The following SOX5 variants were observed in gnomAD, a reference collection of about 807,000 sequenced individuals.
SOX5 encodes the protein SRY-box transcription factor 5.
Under a neutral mutation model 92.0 loss-of-function variants are expected in SOX5, and 9 were observed. The ratio of observed to expected loss-of-function variants is 0.10; its 90% CI spans 0.06 to 0.17. The LOEUF (loss-of-function observed/expected upper bound fraction) is 0.17. SOX5 is among the 10% of genes least tolerant of loss of function. The pLI, the probability that SOX5 is intolerant of heterozygous loss-of-function variation, is 1.00. For missense variants in SOX5, 642 were observed against 944.5 expected, an observed-to-expected ratio of 0.68 and a Z score of 4.20; for synonymous variants, 344 against 336.3, an observed-to-expected ratio of 1.02 and a Z score of -0.25.
intron 8 of SOX5, among the ~76,000 whole-genome samples, chr12:23,632,971 A>G (rs931294438): frequency 6.6e-6 from 1 of 152,140 alleles, no homozygotes; most frequent in African/African-American, 2.4e-5. Flanking sequence ...ATAATTTTAA[A>G]AGTTTAATTA....
chr12:23,652,538 A>G (rs1254180894), intron 7 of SOX5, among the ~76,000 whole-genome samples: 1 of 141,876 alleles, frequency 7.0e-6, no homozygotes, highest in African/African-American at 2.9e-5. Flanking sequence ...TTTTTGAGCA[A>G]TTCTCCCTAG....
intron 4 of SOX5, among the ~76,000 whole-genome samples, chr12:24,130,863 C>T (rs1247958767): frequency 6.6e-6 from 1 of 152,166 alleles, no homozygotes; most frequent in Admixed American, 6.6e-5. Context: ...AAATGCCTGT[C>T]TTCAACCCTC....
At chr12:23,704,366 T>C (rs2091082729) in intron 6 of SOX5, among the ~76,000 whole-genome samples, 1 of 151,844 alleles carries the variant, frequency 6.6e-6, no homozygotes, top group African/African-American at 2.4e-5. Context: ...GTGCAAAATA[T>C]GCAAAATCAA....
At chr12:23,552,192 T>A (rs1167342887) in intron 11 of SOX5, among the ~76,000 whole-genome samples, 1 of 151,832 alleles carries the variant, frequency 6.6e-6, no homozygotes, top group Non-Finnish European at 1.5e-5. Context: ...AAGAGAGAAA[T>A]TTGAGGAAAT....
At chr12:23,559,306 C>T (rs1592064154) in intron 11 of SOX5, among the ~76,000 whole-genome samples, 1 of 152,134 alleles carries the variant, frequency 6.6e-6, no homozygotes, top group Non-Finnish European at 1.5e-5. Flanking sequence ...TTTTCACCCA[C>T]AACACTAATC....
chr12:24,278,247 G>C (rs1298215548), intron 2 of SOX5, among the ~76,000 whole-genome samples: 1 of 152,146 alleles, frequency 6.6e-6, no homozygotes, highest in Admixed American at 6.6e-5. Context: ...TCTTCCTGGA[G>C]CATGCCTCGT....
intron 3 of SOX5, among the ~76,000 whole-genome samples, chr12:24,245,294 A>G (rs567272980): frequency 1.3e-5 from 2 of 149,592 alleles, no homozygotes; most frequent in South Asian, 4.2e-4. Context: ...TTACTATAGT[A>G]ATCCCAACAA....
At chr12:23,731,005 TG>T (rs2093370035) in intron 6 of SOX5, among the ~76,000 whole-genome samples, 1 of 152,164 alleles carries the variant, frequency 6.6e-6, no homozygotes. Flanking sequence ...CCTCTCAATG[TG>T]GGCAGGCACC....
intron 7 of SOX5, among the ~76,000 whole-genome samples, chr12:23,646,646 T>C (rs190597262): frequency 1.7e-4 from 26 of 152,352 alleles, no homozygotes; most frequent in Admixed American, 1.6e-3. Context: ...TTATTTAATG[T>C]TCTCAATCCT....
chr12:23,809,760 C>CTT (rs34337302), intron 3 of SOX5, among the ~76,000 whole-genome samples: 78 of 133,318 alleles, frequency 5.9e-4, no homozygotes, highest in African/African-American at 1.8e-3. Flanking sequence ...AAATGAAAGT[C>CTT]TTTTTTTTTT....
chr12:24,015,150 C>T (rs1048691210), intron 4 of SOX5, among the ~76,000 whole-genome samples: 1 of 151,898 alleles, frequency 6.6e-6, no homozygotes, highest in African/African-American at 2.4e-5. Context: ...CAAAACAGAT[C>T]TGAACTGAGC....
At chr12:23,681,589 A>T (rs1236885789) in intron 6 of SOX5, among the ~76,000 whole-genome samples, 1 of 151,826 alleles carries the variant, frequency 6.6e-6, no homozygotes, top group Admixed American at 6.6e-5. Flanking sequence ...AAACAAGTCT[A>T]AAGTATGTAT....
At chr12:23,803,030 A>G (rs2095692257) in intron 3 of SOX5, among the ~76,000 whole-genome samples, 2 of 151,966 alleles carry the variant, frequency 1.3e-5, no homozygotes, top group South Asian at 2.1e-4. Context: ...TTCCTTTTTC[A>G]CTAGGTATTC....
In SOX5 at chr12:23,790,258, CTG is replaced by C. The variant is rs551990027; in HGVS notation, c.482-34536_482-34535del. 7.6e-4 allele frequency among the ~76,000 whole-genome samples: 115 copies of C among 152,136 alleles called. 1 individual carries two copies. Among genetic ancestry groups the C allele is most frequent in the Middle Eastern group, 3.4e-3 (1 of 294 alleles). ...TATTTCTCTTCATTTACATAATTTTCTGTGTTTATGTGAATTTTATTATTTCA... is the reference window on the plus strand; with the variant it reads ...TATTTCTCTTCATTTACATAATTTTCTGTTTATGTGAATTTTATTATTTCA... On this transcript the variant is annotated intron_variant, in intron 3 of 14. Coordinates refer to ENST00000451604, the MANE Select transcript of SOX5 (RefSeq NM_006940.6).
intron 6 of SOX5, among the ~76,000 whole-genome samples, chr12:23,682,874 A>T (rs1199597947): frequency 6.6e-6 from 1 of 151,916 alleles, no homozygotes; most frequent in Non-Finnish European, 1.5e-5. Context: ...AGAAAAAGCT[A>T]CTTAAGTAGT....
intron 2 of SOX5, among the ~76,000 whole-genome samples, chr12:24,281,237 GAAAAAAAA>G (rs71448005): frequency 1.0e-5 from 1 of 97,234 alleles, no homozygotes; most frequent in Non-Finnish European, 2.2e-5. Context: ...TTACCAAAAG[GAAAAAAAA>G]AAAAAAAAAA....
chr12:23,662,088 T>C (rs2083135271), intron 7 of SOX5, among the ~76,000 whole-genome samples: 1 of 152,124 alleles, frequency 6.6e-6, no homozygotes, highest in Non-Finnish European at 1.5e-5. Context: ...ACCAGTGTTT[T>C]CATGTAATTA....
At chr12:24,295,752 G>A (rs1171115038) in intron 2 of SOX5, among the ~76,000 whole-genome samples, 6 of 151,892 alleles carry the variant, frequency 4.0e-5, no homozygotes, top group Admixed American at 3.9e-4. Flanking sequence ...TTTTTTTGTA[G>A]AGATGAGATT....
chr12:24,418,223 T>G (rs1965353834), intron 1 of SOX5, among the ~76,000 whole-genome samples: 1 of 152,210 alleles, frequency 6.6e-6, no homozygotes, highest in Non-Finnish European at 1.5e-5. Flanking sequence ...GGTTTTCTCC[T>G]CAATATCCCT....
Sources: gnomAD v4.1 joint callset for allele counts (sites outside exome capture counted in the v4.1 genomes callset) on GRCh38, gnomAD v4.1.1 for gene constraint, MANE v1.5 for transcripts, NCBI Gene and HGNC (gene_info 2026-07-23, HGNC 2026-07-21) for gene names.